The following CCM2 variants were observed in gnomAD, a reference collection of about 807,000 sequenced individuals.
CCM2 encodes the protein cerebral cavernous malformations 2 protein.
A neutral mutation model predicts 44.9 loss-of-function variants in CCM2; 25 were observed. That is an observed-to-expected ratio of 0.56 (90% CI 0.41 to 0.78). The LOEUF is 0.78. CCM2 is among the 30% of genes least tolerant of loss of function. The pLI, the probability that CCM2 is intolerant of heterozygous loss-of-function variation, is 0.00. For synonymous variants in CCM2, 219 were observed against 241.1 expected, an observed-to-expected ratio of 0.91 and a Z score of 0.85; for missense variants, 481 against 580.6, an observed-to-expected ratio of 0.83 and a Z score of 1.76.
intron 1 of CCM2, among the ~76,000 whole-genome samples, chr7:45,007,549 CT>C (rs1054329003): frequency 6.6e-6 from 1 of 151,416 alleles, no homozygotes; most frequent in Non-Finnish European, 1.5e-5. Flanking sequence ...AAAATGTGAC[CT>C]TTTTTTTTCT....
At chr7:44,999,900 C>T (rs991679613), upstream of CCM2, 2 of 329,476 alleles carry the variant, frequency 6.1e-6, no homozygotes, top group African/African-American at 2.2e-5. Flanking sequence ...GGGGTAGGAG[C>T]GTTTCCGGCT....
intron 2 of CCM2, among the ~76,000 whole-genome samples, chr7:45,044,382 C>G (rs937623660): frequency 6.6e-6 from 1 of 152,128 alleles, no homozygotes; most frequent in Non-Finnish European, 1.5e-5. Context: ...GTGATCCTCC[C>G]GCCTCGGCCT....
chr7:45,066,055 A>G (rs931441103), intron 4 of CCM2, among the ~76,000 whole-genome samples: 3 of 152,146 alleles, frequency 2.0e-5, no homozygotes, highest in Non-Finnish European at 4.4e-5. Flanking sequence ...CTCAGCTTTA[A>G]TTATTAGAAC....
intron 1 of CCM2, chr7:45,029,364 A>C (rs897218121): frequency 7.2e-5 from 11 of 152,224 alleles, no homozygotes; most frequent in African/African-American, 2.7e-4. Flanking sequence ...TGCGCAAATG[A>C]AAATGCCTGA....
At chr7:45,023,014 T>G (rs1475564977) in intron 1 of CCM2, among the ~76,000 whole-genome samples, 1 of 152,026 alleles carries the variant, frequency 6.6e-6, no homozygotes, top group Non-Finnish European at 1.5e-5. Context: ...GTGCTGGGAT[T>G]ACAGGCATGA....
chr7:45,031,596 C>T (rs989292408), intron 1 of CCM2, among the ~76,000 whole-genome samples: 3 of 151,966 alleles, frequency 2.0e-5, no homozygotes, highest in African/African-American at 7.3e-5. Context: ...CTTGCTCTGT[C>T]ACCCAGGCTG....
intron 2 of CCM2, among the ~76,000 whole-genome samples, chr7:45,041,216 G>T (rs1376477399): frequency 6.6e-6 from 1 of 152,110 alleles, no homozygotes; most frequent in African/African-American, 2.4e-5. Flanking sequence ...AAATAGAATA[G>T]TACATAGAAA....
chr7:45,050,953 C>T lies in CCM2; in HGVS notation c.204+12527C>T, dbSNP rs555601497. Among the ~76,000 whole-genome samples the T allele has an allele frequency of 1.7e-3, 254 of 152,196 alleles. 1 individual carries two copies. Among genetic ancestry groups the T allele is most frequent in the African/African-American group, 5.8e-3 (239 of 41,510 alleles). On this transcript the variant is annotated intron_variant, in intron 2 of 9. Coordinates refer to ENST00000258781, the MANE Select transcript of CCM2 (RefSeq NM_031443.4). ...GAAAGATGCCTGAAAATCATAGACT[C>T]GGGTTAATTTCAACCTGATCATGCT...
intron 1 of CCM2, among the ~76,000 whole-genome samples, chr7:45,033,727 C>T (rs1283636252): frequency 1.3e-5 from 2 of 152,148 alleles, no homozygotes; most frequent in East Asian, 1.9e-4. Flanking sequence ...CCATAACCTC[C>T]AGGCCAGGGT....
At chr7:45,053,398 C>T (rs139225619) in intron 2 of CCM2, among the ~76,000 whole-genome samples, 102 of 152,306 alleles carry the variant, frequency 6.7e-4, no homozygotes, top group African/African-American at 2.2e-3. Flanking sequence ...TAGAAGCTCA[C>T]CTTAGCCTTC....
Position 45,076,043 on chromosome 7 carries a change from CA to C in CCM2, c.1322del (p.Gln441ArgfsTer56). On this transcript the variant is annotated frameshift_variant, in exon 10 of 10. Transcript: ENST00000258781. LOFTEE classifies it high-confidence loss of function. ...TGAGGCGCTGGGCTGCAGCATGGAC[CA>C]GGACTCAGCATGATGGACAGTGGAT... ...DIEALGCSMD[Q>X]DSA is the part of the protein sequence containing the mutation. 1.2e-6 allele frequency: 2 copies of C among 1,613,016 alleles called. No individual in the cohort carries two copies. Among genetic ancestry groups the C allele is most frequent in the Non-Finnish European group, 1.7e-6 (2 of 1,180,038 alleles).
intron 2 of CCM2, among the ~76,000 whole-genome samples, chr7:45,051,309 AGG>A (rs1164977674): frequency 6.6e-6 from 1 of 152,112 alleles, no homozygotes; most frequent in South Asian, 2.1e-4. Context: ...CCTAAAGAAG[AGG>A]GGGCATCCTT....
chr7:45,074,485 C>G, intron 9 of CCM2, 77 bp downstream of exon 9: 3 of 1,238,790 alleles, frequency 2.4e-6, no homozygotes, highest in Non-Finnish European at 3.5e-6. Context: ...AATGTGCACA[C>G]GGACCCCTCA....
chr7:45,070,259 A>T, intron 6 of CCM2: 3 of 428,292 alleles, frequency 7.0e-6, no homozygotes, highest in Non-Finnish European at 1.3e-5. Flanking sequence ...TTAACTCGGA[A>T]CAAAGAGCTT....
intron 7 of CCM2, 195 bp from the exon 8 acceptor site, chr7:45,073,264 CG>C: frequency 1.6e-6 from 1 of 626,050 alleles, no homozygotes; most frequent in Non-Finnish European, 2.9e-6. Context: ...GCCATGCCCC[CG>C]GGGAGCCCCA....
Position 45,029,163 on chromosome 7 carries a change from C to A in CCM2, c.31-9090C>A, listed in dbSNP as rs961465114. Among the ~76,000 whole-genome samples the A allele has an allele frequency of 4.6e-5, 7 of 152,092 alleles. 1 individual carries two copies. The highest frequency in any genetic ancestry group is 4.6e-4 in the Admixed American group (7 of 15,274). ...GTCTCCCTCTTTAGACTGGGGGTTCCCTGGGGGCAGGGACGGTGGCTTCTA... is the reference window on the plus strand; with the variant it reads ...GTCTCCCTCTTTAGACTGGGGGTTCACTGGGGGCAGGGACGGTGGCTTCTA... On this transcript the variant is annotated intron_variant, in intron 1 of 9. Transcript: ENST00000258781.
chr7:45,033,107 T>G (rs1401603648), intron 1 of CCM2, among the ~76,000 whole-genome samples: 1 of 138,752 alleles, frequency 7.2e-6, no homozygotes, highest in Non-Finnish European at 1.5e-5. Context: ...CTGAGCTCGA[T>G]GTAGGGAAGA....
At chr7:45,019,464 G>A (rs1796396324) in intron 1 of CCM2, among the ~76,000 whole-genome samples, 1 of 152,142 alleles carries the variant, frequency 6.6e-6, no homozygotes, top group Admixed American at 6.6e-5. Context: ...CTCCTAAGAT[G>A]TGGCCTTTGT....
chr7:45,020,670 C>A (rs1796447627), intron 1 of CCM2, among the ~76,000 whole-genome samples: 1 of 152,102 alleles, frequency 6.6e-6, no homozygotes. Flanking sequence ...AAGGTTTATT[C>A]TTTTTTTCTT....
Sources: allele counts gnomAD v4.1 joint callset (sites outside exome capture counted in the v4.1 genomes callset), GRCh38; gene constraint gnomAD v4.1.1; transcripts MANE v1.5; gene names NCBI Gene and HGNC (gene_info 2026-07-23, HGNC 2026-07-21).